FLYWCH1: variants seen among roughly 807,000 people sequenced by gnomAD.
The protein encoded by FLYWCH1 is FLYWCH-type zinc finger-containing protein 1.
Under a neutral mutation model 66.4 loss-of-function variants are expected in FLYWCH1, and 75 were observed. That is an observed-to-expected ratio of 1.13 (90% CI 0.94 to 1.37). FLYWCH1 has a LOEUF of 1.37. Among genes scored for constraint, FLYWCH1 ranks in the 40% most tolerant of loss-of-function variants. The pLI is 0.00. For missense variants in FLYWCH1, 1,334 were observed against 1,001.8 expected (o/e 1.33, Z -4.48); for synonymous variants, 595 against 429.9 (o/e 1.38, Z -4.75).
intron 4 of FLYWCH1, 141 bp downstream of exon 4, chr16:2,931,021 G>A: frequency 1.4e-6 from 1 of 740,592 alleles, no homozygotes; most frequent in African/African-American, 1.8e-5. Flanking sequence ...AAATATAAAT[G>A]TGGCCGGGCA....
intron 8 of FLYWCH1, among the ~76,000 whole-genome samples, chr16:2,939,442 G>A (rs1231938657): frequency 6.9e-6 from 1 of 144,824 alleles, no homozygotes; most frequent in Admixed American, 6.9e-5. Flanking sequence ...GGCAACAAGA[G>A]TGAAACTCCA....
intron 4 of FLYWCH1, among the ~76,000 whole-genome samples, chr16:2,932,143 G>C (rs921607293): frequency 9.0e-5 from 13 of 144,926 alleles, no homozygotes; most frequent in African/African-American, 3.3e-4. Flanking sequence ...AAATTAGCTG[G>C]GCGTGGAGGC....
chr16:2,916,980 TA>T (rs56875032), intron 2 of FLYWCH1, among the ~76,000 whole-genome samples: 93,917 of 135,858 alleles, frequency 0.69, 32,633 homozygotes, highest in Non-Finnish European at 0.76. Flanking sequence ...CCATCTCTAG[TA>T]AAAAAAAAAA....
chr16:2,930,687 G>T lies in FLYWCH1; in HGVS notation c.603G>T (p.Glu201Asp). Residue 201 changes from glutamate (E) to aspartate (D), a missense_variant, in exon 4 of 10, where the codon GAG becomes GAT. Coordinates refer to ENST00000253928, the MANE Select transcript of FLYWCH1 (RefSeq NM_001308068.2). ...PSLALPEGLG[E>D]PQGPEGPGGR... is the part of the protein sequence containing the mutation. ...TGGCCCTGCCAGAGGGCTTGGGAGA[G>T]CCCCAGGGTCCTGAGGGCCCTGGAG... The T allele has an allele frequency of 6.5e-7, 1 of 1,544,112 alleles. No individual in the cohort carries two copies. Among genetic ancestry groups the T allele is most frequent in the South Asian group, 1.2e-5 (1 of 84,078 alleles).
intron 8 of FLYWCH1, among the ~76,000 whole-genome samples, chr16:2,938,847 C>T (rs576276849): frequency 5.1e-4 from 78 of 151,536 alleles, no homozygotes; most frequent in African/African-American, 1.7e-3. Flanking sequence ...CTTCTGACCT[C>T]GTGATCCGCC....
Position 2,936,972 on chromosome 16 carries a change from G to C in FLYWCH1, c.1514-149G>C. ...GCAGCTGGAGCCCCAGCAGAGTTGGGGGGATGGTGGCATCTGTGTCCTGGG... is the reference window on the plus strand; with the variant it reads ...GCAGCTGGAGCCCCAGCAGAGTTGGCGGGATGGTGGCATCTGTGTCCTGGG... On this transcript the variant is annotated intron_variant, in intron 6 of 9. Transcript: ENST00000253928. The C allele has an allele frequency of 1.9e-5, 15 of 810,162 alleles. No individual in the cohort carries two copies. The South Asian group carries it at 3.2e-4, about 17-fold the overall frequency. 50.2% of individuals were successfully genotyped at this position (810,162 alleles called of 1,614,324 possible).
At chr16:2,947,390 G>T (rs1387145377) in intron 9 of FLYWCH1, among the ~76,000 whole-genome samples, 1 of 146,494 alleles carries the variant, frequency 6.8e-6, no homozygotes, top group Non-Finnish European at 1.5e-5. Flanking sequence ...TGATTGCAGT[G>T]ATGGTTGTAC....
chr16:2,917,354 C>T (rs531477313), intron 2 of FLYWCH1, among the ~76,000 whole-genome samples: 238 of 150,524 alleles, frequency 1.6e-3, no homozygotes, highest in South Asian at 3.7e-3. Context: ...CTCAGCCTCC[C>T]GAGTAGCTGG....
At chr16:2,946,067 A>G (rs575799071) in intron 9 of FLYWCH1, among the ~76,000 whole-genome samples, 2 of 152,154 alleles carry the variant, frequency 1.3e-5, no homozygotes, top group Non-Finnish European at 2.9e-5. Context: ...TGTACAATGT[A>G]TTTGTGTTTT....
chr16:2,942,186 A>G (rs1028301245), intron 9 of FLYWCH1, among the ~76,000 whole-genome samples: 11 of 152,084 alleles, frequency 7.2e-5, no homozygotes, highest in African/African-American at 2.2e-4. Context: ...AGACCTTACT[A>G]TGGACCTCAT....
At position 2,933,867 on chromosome 16, in the gene FLYWCH1, G is replaced by A. The variant is rs1210112762; in HGVS notation, c.1401G>A (p.Gln467=). The change falls in exon 6 of 10, where the codon CAG becomes CAA. Residue 467 remains glutamine, a synonymous_variant. Transcript: ENST00000253928. ...RMGCRSRAIT[Q]GRRVTVMRGH... is the part of the protein sequence containing the mutation. Reference sequence around the variant, plus strand: ...GCTGCCGCAGCCGCGCCATCACCCAGGGCCGACGGGTGACTGTCATGCGTG... The same window carrying A: ...GCTGCCGCAGCCGCGCCATCACCCAAGGCCGACGGGTGACTGTCATGCGTG... 6.2e-7 allele frequency: 1 copy of A among 1,601,530 alleles called. No homozygotes were observed. The highest frequency in any genetic ancestry group is 8.5e-7 in the Non-Finnish European group (1 of 1,174,534).
chr16:2,936,876 A>C, intron 6 of FLYWCH1: 1 of 638,980 alleles, frequency 1.6e-6, no homozygotes, highest in East Asian at 2.9e-5. Context: ...AGGCATGGCA[A>C]GGTGGGACGC....
chr16:2,912,810 C>T (rs1206027942), intron 1 of FLYWCH1, among the ~76,000 whole-genome samples: 1 of 152,220 alleles, frequency 6.6e-6, no homozygotes, highest in Non-Finnish European at 1.5e-5. Context: ...GCTCTAAACC[C>T]TGCCTGTTGT....
intron 9 of FLYWCH1, among the ~76,000 whole-genome samples, chr16:2,942,338 G>C (rs2071302694): frequency 6.6e-6 from 1 of 151,840 alleles, no homozygotes; most frequent in Non-Finnish European, 1.5e-5. Flanking sequence ...AGTAGAAACG[G>C]GGTTTTCCCA....
chr16:2,947,685 C>T (rs756811695), intron 9 of FLYWCH1, among the ~76,000 whole-genome samples: 5 of 151,172 alleles, frequency 3.3e-5, no homozygotes, highest in South Asian at 4.1e-4. Context: ...TCGCTTGAAC[C>T]TGGGAGGTAG....
At chr16:2,917,321 C>A (rs1240604094) in intron 2 of FLYWCH1, among the ~76,000 whole-genome samples, 1 of 150,844 alleles carries the variant, frequency 6.6e-6, no homozygotes, top group Non-Finnish European at 1.5e-5. Flanking sequence ...CTTCCACCTC[C>A]CGGGTACAAG....
At chr16:2,925,340 C>T in intron 2 of FLYWCH1, among the ~76,000 whole-genome samples, 1 of 152,064 alleles carries the variant, frequency 6.6e-6, no homozygotes, top group Admixed American at 6.6e-5. Context: ...CATCGTCCAT[C>T]CATTCCCATA....
intron 2 of FLYWCH1, among the ~76,000 whole-genome samples, chr16:2,917,732 T>G (rs2070221694): frequency 6.6e-6 from 1 of 152,180 alleles, no homozygotes; most frequent in African/African-American, 2.4e-5. Flanking sequence ...TCACAGTCTA[T>G]CAGTATCAGG....
intron 2 of FLYWCH1, among the ~76,000 whole-genome samples, chr16:2,920,638 A>G (rs1371007204): frequency 6.6e-6 from 1 of 151,936 alleles, no homozygotes; most frequent in Non-Finnish European, 1.5e-5. Context: ...GCTGGAGTGC[A>G]ATAGCGTGAG....
Sources: allele counts gnomAD v4.1 joint callset (sites outside exome capture counted in the v4.1 genomes callset), GRCh38; gene constraint gnomAD v4.1.1; transcripts MANE v1.5; gene names NCBI Gene and HGNC (gene_info 2026-07-23, HGNC 2026-07-21).